Variants in CFAP299 observed in about 807,000 individuals in gnomAD.
The protein encoded by CFAP299 is cilia and flagella associated protein 299, also known as cilia- and flagella-associated protein 299.
A neutral mutation model predicts 27.0 loss-of-function variants in CFAP299; 21 were observed. That is an observed-to-expected ratio of 0.78 (90% CI 0.55 to 1.12). The LOEUF is 1.12. Ranked by LOEUF, CFAP299 falls within the 50% of genes most tolerant of loss-of-function variation. The probability of loss-of-function intolerance (pLI) is 0.00; values close to 1 mark genes in which losing one functional copy is unlikely to be tolerated. For synonymous variants in CFAP299, 104 were observed against 98.1 expected, an observed-to-expected ratio of 1.06 and a Z score of -0.36; for missense variants, 310 against 276.6, an observed-to-expected ratio of 1.12 and a Z score of -0.86.
chr4:80,562,200 C>T (rs1366952324), intron 2 of CFAP299, among the ~76,000 whole-genome samples: 1 of 151,828 alleles, frequency 6.6e-6, no homozygotes, highest in Non-Finnish European at 1.5e-5. Context: ...AAAAAATCAC[C>T]TTCACTAAAA....
chr4:80,454,423 C>A (rs1024731513), intron 2 of CFAP299, among the ~76,000 whole-genome samples: 3 of 152,156 alleles, frequency 2.0e-5, no homozygotes, highest in Admixed American at 2.0e-4. Flanking sequence ...TGAACATGGA[C>A]AGCTGGTATT....
At chr4:80,688,801 T>A (rs1033647689) in intron 3 of CFAP299, among the ~76,000 whole-genome samples, 4 of 151,590 alleles carry the variant, frequency 2.6e-5, no homozygotes, top group African/African-American at 7.3e-5. Flanking sequence ...TTGAAAAAAA[T>A]TTAGAAGAAT....
chr4:80,609,267 G>A (rs904885718), intron 3 of CFAP299, among the ~76,000 whole-genome samples: 4 of 152,058 alleles, frequency 2.6e-5, no homozygotes, highest in African/African-American at 9.7e-5. Context: ...AAAACTTCCA[G>A]TTAAGTCAAA....
At chr4:80,717,366 T>C (rs1416501155) in intron 3 of CFAP299, among the ~76,000 whole-genome samples, 2 of 152,132 alleles carry the variant, frequency 1.3e-5, no homozygotes, top group Non-Finnish European at 2.9e-5. Context: ...CGTCTGGCAA[T>C]GATTTTCTCT....
intron 3 of CFAP299, among the ~76,000 whole-genome samples, chr4:80,791,853 T>C (rs953352109): frequency 3.3e-5 from 5 of 151,646 alleles, no homozygotes; most frequent in South Asian, 4.1e-4. Flanking sequence ...TATATATATA[T>C]ACATATATAT....
chr4:80,962,187 A>G (rs947143992), intron 5 of CFAP299, among the ~76,000 whole-genome samples: 12 of 152,102 alleles, frequency 7.9e-5, no homozygotes, highest in African/African-American at 2.6e-4. Flanking sequence ...TTACAAGATA[A>G]TTTTTAAAGG....
chr4:80,420,180 A>C (rs1560559187), intron 2 of CFAP299: 1 of 456,106 alleles, frequency 2.2e-6, no homozygotes, highest in Non-Finnish European at 4.4e-6. Context: ...GTCAGAGGGA[A>C]TAGATGGTAA....
intron 4 of CFAP299, among the ~76,000 whole-genome samples, chr4:80,892,402 A>G (rs888648754): frequency 2.0e-5 from 3 of 152,206 alleles, no homozygotes; most frequent in Non-Finnish European, 4.4e-5. Context: ...CTATGAAACT[A>G]CTATGAGAAA....
At chr4:80,578,704 C>CA (rs1431028627) in intron 2 of CFAP299, among the ~76,000 whole-genome samples, 7 of 152,102 alleles carry the variant, frequency 4.6e-5, no homozygotes, top group Non-Finnish European at 7.4e-5. Context: ...ATATTTAGCA[C>CA]AGCATGAAAT....
At chr4:80,742,659 C>A (rs1724343739) in intron 3 of CFAP299, among the ~76,000 whole-genome samples, 1 of 152,032 alleles carries the variant, frequency 6.6e-6, no homozygotes, top group African/African-American at 2.4e-5. Flanking sequence ...AAGTGGAGAA[C>A]TCTTTATGAG....
intron 3 of CFAP299, among the ~76,000 whole-genome samples, chr4:80,813,989 A>G (rs1374369098): frequency 6.6e-5 from 10 of 152,072 alleles, no homozygotes; most frequent in Admixed American, 6.6e-4. Flanking sequence ...CTAATAAATT[A>G]TGTTTTAAAG....
chr4:80,473,633 C>T (rs924157968), intron 2 of CFAP299, among the ~76,000 whole-genome samples: 4 of 151,940 alleles, frequency 2.6e-5, no homozygotes, highest in South Asian at 2.1e-4. Flanking sequence ...TACAGTGGTG[C>T]GATCACAGCT....
In CFAP299 at chr4:80,387,310, G is replaced by A. The variant is rs532392804; in HGVS notation, c.242+24426G>A. The A allele has an allele frequency of 9.2e-5, 148 of 1,609,738 alleles. 1 individual carries two copies. The African/African-American group carries it at 1.9e-3, about 20-fold the overall frequency. On this transcript the variant is annotated intron_variant, in intron 2 of 5. Transcript: ENST00000358105. ...GCTCCAGAAATGTGTCGAGCTTTGGGAACGTTTGGGCACAGCTTTTGACCA... is the reference window on the plus strand; with the variant it reads ...GCTCCAGAAATGTGTCGAGCTTTGGAAACGTTTGGGCACAGCTTTTGACCA...
At chr4:80,458,429 GT>G in intron 2 of CFAP299, among the ~76,000 whole-genome samples, 1 of 151,920 alleles carries the variant, frequency 6.6e-6, no homozygotes, top group African/African-American at 2.4e-5. Flanking sequence ...GTGTACAAAG[GT>G]TTTTAACTTT....
Position 80,880,279 on chromosome 4 carries a change from C to A in CFAP299, c.476+10144C>A, listed in dbSNP as rs548990182. ...TTTGTATAAATACATGAAATGAGTT[C>A]ATTTAAATAAGAATTATTGCTTTGA... is the stretch of plus-strand genomic sequence containing the variant. On this transcript the variant is annotated intron_variant, in intron 4 of 5. Coordinates refer to ENST00000358105, the MANE Select transcript of CFAP299 (RefSeq NM_152770.3). Among the ~76,000 whole-genome samples the A allele has an allele frequency of 4.0e-5, 6 of 151,546 alleles. No homozygotes were observed. The South Asian group carries it at 1.3e-3, about 32-fold the overall frequency.
At chr4:80,426,662 T>G (rs1560562329) in intron 2 of CFAP299, among the ~76,000 whole-genome samples, 2 of 152,232 alleles carry the variant, frequency 1.3e-5, no homozygotes, top group African/African-American at 4.8e-5. Flanking sequence ...TAGCAAGCAC[T>G]TCTGGTGATT....
intron 2 of CFAP299, among the ~76,000 whole-genome samples, chr4:80,551,488 A>G (rs1446844166): frequency 1.3e-5 from 2 of 152,174 alleles, no homozygotes. Context: ...TAAATGAAAT[A>G]TATTTATTAT....
At chr4:80,926,384 G>T (rs1736307351) in intron 4 of CFAP299, among the ~76,000 whole-genome samples, 1 of 151,940 alleles carries the variant, frequency 6.6e-6, no homozygotes, top group South Asian at 2.1e-4. Flanking sequence ...GATTGCAAGA[G>T]GATGATGGAT....
At chr4:80,732,027 G>A (rs1405207638) in intron 3 of CFAP299, among the ~76,000 whole-genome samples, 2 of 150,970 alleles carry the variant, frequency 1.3e-5, no homozygotes, top group Non-Finnish European at 2.9e-5. Context: ...AAAGTGCAAT[G>A]CAAAGATTTC....
Sources: gnomAD v4.1 joint callset for allele counts (sites outside exome capture counted in the v4.1 genomes callset) on GRCh38, gnomAD v4.1.1 for gene constraint, MANE v1.5 for transcripts, NCBI Gene and HGNC (gene_info 2026-07-23, HGNC 2026-07-21) for gene names.